The following RALGAPA2 variants were observed in gnomAD, a reference collection of about 807,000 sequenced individuals.
RALGAPA2 encodes ral GTPase-activating protein subunit alpha-2.
Under a neutral mutation model 230.4 loss-of-function variants are expected in RALGAPA2, and 139 were observed. The ratio of observed to expected loss-of-function variants is 0.60; its 90% CI spans 0.53 to 0.69. RALGAPA2 has a LOEUF of 0.69. Ranked by LOEUF, RALGAPA2 falls within the 30% of genes least tolerant of loss-of-function variation. The probability of loss-of-function intolerance (pLI) is 0.00; values close to 1 mark genes in which losing one functional copy is unlikely to be tolerated. For synonymous variants in RALGAPA2, 847 were observed against 837.8 expected, an observed-to-expected ratio of 1.01 and a Z score of -0.19; for missense variants, 2,163 against 2,276.0, an observed-to-expected ratio of 0.95 and a Z score of 1.01.
chr20:20,557,447 G>C (rs932578055), intron 23 of RALGAPA2, among the ~76,000 whole-genome samples: 3 of 152,152 alleles, frequency 2.0e-5, no homozygotes, highest in African/African-American at 7.2e-5. Flanking sequence ...ACTTTTCCCA[G>C]GTTTATTATT....
intron 3 of RALGAPA2, among the ~76,000 whole-genome samples, chr20:20,666,620 T>C (rs1239760366): frequency 6.6e-6 from 1 of 152,076 alleles, no homozygotes; most frequent in Non-Finnish European, 1.5e-5. Context: ...GAATAAGAAA[T>C]AACAAAGCAG....
chr20:20,501,389 C>T, intron 35 of RALGAPA2, among the ~76,000 whole-genome samples: 1 of 152,206 alleles, frequency 6.6e-6, no homozygotes, highest in East Asian at 1.9e-4. Context: ...TCGCCTTGTG[C>T]TTTCATTTTA....
chr20:20,515,379 GA>G (rs1024173813), intron 31 of RALGAPA2, among the ~76,000 whole-genome samples: 1 of 152,172 alleles, frequency 6.6e-6, no homozygotes, highest in Admixed American at 6.5e-5. Context: ...TTCACACTGT[GA>G]ACTTTTTTCC....
intron 23 of RALGAPA2, among the ~76,000 whole-genome samples, chr20:20,548,895 T>C (rs1046336034): frequency 6.6e-6 from 1 of 152,252 alleles, no homozygotes; most frequent in Non-Finnish European, 1.5e-5. Flanking sequence ...AGCACATTTC[T>C]GTTGACATAT....
At chr20:20,632,453 T>G (rs1443301182) in intron 9 of RALGAPA2, among the ~76,000 whole-genome samples, 1 of 152,206 alleles carries the variant, frequency 6.6e-6, no homozygotes, top group Non-Finnish European at 1.5e-5. Context: ...AGTGGTTAAT[T>G]TGCTGTTCTT....
chr20:20,571,251 A>G (rs2064623552), intron 23 of RALGAPA2, among the ~76,000 whole-genome samples: 1 of 152,216 alleles, frequency 6.6e-6, no homozygotes, highest in South Asian at 2.1e-4. Flanking sequence ...CACAATGCAA[A>G]TGCAAAGTCA....
chr20:20,464,162 G>A (rs2061363933), intron 37 of RALGAPA2, among the ~76,000 whole-genome samples: 1 of 152,266 alleles, frequency 6.6e-6, no homozygotes, highest in South Asian at 2.1e-4. Context: ...TTCTAATTGA[G>A]ATGCAAATTA....
chr20:20,635,303 C>T lies in RALGAPA2; in HGVS notation c.1005+115G>A. 2.6e-6 allele frequency: 3 copies of T among 1,143,090 alleles called. No homozygotes were observed. The South Asian group carries it at 4.1e-5, about 16-fold the overall frequency. 70.8% of individuals were successfully genotyped at this position (1,143,090 alleles called of 1,614,324 possible). On this transcript the variant is annotated intron_variant, in intron 9 of 39. Transcript: ENST00000202677. ...CAGGGTAGGCCAATAAAATCACTTA[C>T]CTATAACCAACAACTTGTAAGAACC...
At chr20:20,516,480 C>A (rs943232780) in intron 31 of RALGAPA2, among the ~76,000 whole-genome samples, 1 of 152,214 alleles carries the variant, frequency 6.6e-6, no homozygotes, top group Non-Finnish European at 1.5e-5. Context: ...GAGAAAATGG[C>A]TGAATGACCT....
chr20:20,612,573 C>T (rs2066007872), intron 13 of RALGAPA2, among the ~76,000 whole-genome samples: 2 of 152,270 alleles, frequency 1.3e-5, no homozygotes, highest in African/African-American at 2.4e-5. Context: ...TTGTAGCTGG[C>T]CCCATTTGAT....
intron 34 of RALGAPA2, among the ~76,000 whole-genome samples, chr20:20,503,806 T>C (rs1044186933): frequency 3.3e-5 from 5 of 152,222 alleles, no homozygotes; most frequent in Non-Finnish European, 7.3e-5. Flanking sequence ...TATGCATATA[T>C]GTGTGTGTAT....
In RALGAPA2 at chr20:20,512,230, CACACACACAT is replaced by C. The variant is rs1047723219; in HGVS notation, c.4856+273_4856+282del. ...CAACAACAACAACCCCCCCTACACA[CACACACACAT>C]ACACACACACACACACACACACACA... On this transcript the variant is annotated intron_variant, in intron 32 of 39. Coordinates refer to ENST00000202677, the MANE Select transcript of RALGAPA2 (RefSeq NM_020343.4). Among the ~76,000 whole-genome samples the C allele has an allele frequency of 2.3e-4, 34 of 148,354 alleles. No homozygotes were observed. In the East Asian group the frequency reaches 5.8e-3, roughly 25 times the overall value.
chr20:20,409,932 C>T (rs939564140), intron 38 of RALGAPA2, among the ~76,000 whole-genome samples: 10 of 152,180 alleles, frequency 6.6e-5, no homozygotes, highest in East Asian at 1.9e-4. Context: ...GCATGATAGA[C>T]GTATAAAAAT....
chr20:20,478,654 C>A (rs529252806), intron 36 of RALGAPA2, among the ~76,000 whole-genome samples: 12 of 151,702 alleles, frequency 7.9e-5, no homozygotes, highest in African/African-American at 2.4e-4. Context: ...AAGATAACAA[C>A]AAAAATTGTA....
chr20:20,577,177 C>A (rs539522626), intron 20 of RALGAPA2, among the ~76,000 whole-genome samples: 9 of 152,050 alleles, frequency 5.9e-5, no homozygotes, highest in Middle Eastern at 3.4e-3. Flanking sequence ...ATTTTTAAGG[C>A]CTAATCAAAG....
At chr20:20,445,687 C>G (rs1270968910) in intron 37 of RALGAPA2, among the ~76,000 whole-genome samples, 1 of 152,198 alleles carries the variant, frequency 6.6e-6, no homozygotes, top group Non-Finnish European at 1.5e-5. Context: ...CAAAAAACTT[C>G]TGATTAATGG....
chr20:20,535,880 C>G, intron 25 of RALGAPA2, 77 bp from the exon 26 acceptor site: 1 of 1,476,670 alleles, frequency 6.8e-7, no homozygotes, highest in Non-Finnish European at 9.0e-7. Context: ...ATGTTCCAGG[C>G]AGCCAGGAGC....
chr20:20,419,099 A>G (rs1279251071), intron 37 of RALGAPA2, among the ~76,000 whole-genome samples: 1 of 152,214 alleles, frequency 6.6e-6, no homozygotes, highest in Non-Finnish European at 1.5e-5. Context: ...ACACATATGT[A>G]GGAAATGATA....
intron 37 of RALGAPA2, among the ~76,000 whole-genome samples, chr20:20,453,956 G>A (rs2061048264): frequency 6.6e-6 from 1 of 152,168 alleles, no homozygotes; most frequent in African/African-American, 2.4e-5. Context: ...TAAGCCCTAA[G>A]TAAAAGACAT....
Sources: allele counts gnomAD v4.1 joint callset (sites outside exome capture counted in the v4.1 genomes callset), GRCh38; gene constraint gnomAD v4.1.1; transcripts MANE v1.5; gene names NCBI Gene and HGNC (gene_info 2026-07-23, HGNC 2026-07-21).